RUNX1: variants seen among roughly 807,000 people sequenced by gnomAD.
RUNX1 encodes RUNX family transcription factor 1.
RUNX1 carries 19 observed loss-of-function variants against 42.8 expected under a neutral mutation model. The ratio of observed to expected loss-of-function variants is 0.44; its 90% CI spans 0.31 to 0.65. RUNX1 has a LOEUF of 0.65. RUNX1 is among the 30% of genes least tolerant of loss of function. The pLI is 0.07. For missense variants in RUNX1, 528 were observed against 672.0 expected (o/e 0.79, Z 2.37); for synonymous variants, 271 against 289.4 (o/e 0.94, Z 0.64).
intron 2 of RUNX1, among the ~76,000 whole-genome samples, chr21:34,921,176 T>TA (rs1448140451): frequency 3.9e-5 from 6 of 152,168 alleles, no homozygotes; most frequent in Non-Finnish European, 7.4e-5. Context: ...AGTGCATAGT[T>TA]ATGTGGCACT....
At chr21:34,875,077 C>T (rs746090561) in intron 5 of RUNX1, among the ~76,000 whole-genome samples, 3 of 152,186 alleles carry the variant, frequency 2.0e-5, no homozygotes, top group Non-Finnish European at 4.4e-5. Flanking sequence ...AGCTGTGTGA[C>T]GCCATCAGCA....
intron 2 of RUNX1, among the ~76,000 whole-genome samples, chr21:35,034,764 A>T (rs2059295702): frequency 6.6e-6 from 1 of 152,240 alleles, no homozygotes; most frequent in Non-Finnish European, 1.5e-5. Context: ...TGGTGTGAGC[A>T]GAGGGCAGAT....
chr21:34,883,249 T>C (rs1277517586), intron 4 of RUNX1, among the ~76,000 whole-genome samples: 1 of 152,220 alleles, frequency 6.6e-6, no homozygotes, highest in Admixed American at 6.5e-5. Flanking sequence ...ACTCCTCTTT[T>C]TTTTTAAATG....
intron 7 of RUNX1, 96 bp downstream of exon 7, chr21:34,834,314 C>T: frequency 7.9e-7 from 1 of 1,263,740 alleles, no homozygotes. Context: ...AGGGGAAACC[C>T]CAGTTGGTCT....
At chr21:34,798,510 C>T (rs1569008060) in intron 8 of RUNX1, among the ~76,000 whole-genome samples, 1 of 152,140 alleles carries the variant, frequency 6.6e-6, no homozygotes, top group Non-Finnish European at 1.5e-5. Flanking sequence ...TCTGTATGAA[C>T]AGCGCTTAGT....
chr21:34,870,961 A>G (rs2268294), intron 5 of RUNX1, among the ~76,000 whole-genome samples: 41,535 of 152,046 alleles, frequency 0.27, 5,837 homozygotes, highest in Middle Eastern at 0.38. Context: ...CATCTCAAAA[A>G]AAAACAAAAA....
chr21:34,964,611 G>A (rs2058705563), intron 2 of RUNX1, among the ~76,000 whole-genome samples: 1 of 152,142 alleles, frequency 6.6e-6, no homozygotes, highest in African/African-American at 2.4e-5. Flanking sequence ...CCTTCATGTT[G>A]AAGAAGTACA....
chr21:34,939,854 T>G (rs541697643), intron 2 of RUNX1, among the ~76,000 whole-genome samples: 4 of 152,094 alleles, frequency 2.6e-5, no homozygotes, highest in Admixed American at 6.5e-5. Context: ...GTTTTTTTAT[T>G]TTTATTTTTT....
chr21:35,034,525 G>A (rs2059293574), intron 2 of RUNX1, among the ~76,000 whole-genome samples: 1 of 152,218 alleles, frequency 6.6e-6, no homozygotes, highest in Admixed American at 6.5e-5. Context: ...TTCTGGAGCT[G>A]TGGTTCTCCA....
intron 2 of RUNX1, among the ~76,000 whole-genome samples, chr21:34,956,591 T>A (rs143103494): frequency 1.2e-3 from 177 of 152,310 alleles, no homozygotes; most frequent in Non-Finnish European, 1.9e-3. Context: ...TGTCACCAAA[T>A]GGCCTGATGA....
intron 2 of RUNX1, among the ~76,000 whole-genome samples, chr21:34,995,203 C>T (rs1207231677): frequency 6.6e-6 from 1 of 152,150 alleles, no homozygotes; most frequent in Admixed American, 6.5e-5. Context: ...CCCCTTTGGC[C>T]CTACACATCA....
intron 2 of RUNX1, among the ~76,000 whole-genome samples, chr21:34,973,562 C>T (rs977902756): frequency 1.3e-5 from 2 of 152,222 alleles, no homozygotes; most frequent in Non-Finnish European, 2.9e-5. Flanking sequence ...TGTTTTATCA[C>T]TGATCCAATC....
At chr21:34,802,756 G>A (rs763122202) in intron 7 of RUNX1, among the ~76,000 whole-genome samples, 41 of 152,182 alleles carry the variant, frequency 2.7e-4, no homozygotes, top group Non-Finnish European at 2.6e-4. Context: ...GAGAGGAGGA[G>A]ACTAGGGAAA....
intron 7 of RUNX1, chr21:34,821,187 G>T: frequency 9.9e-7 from 1 of 1,015,032 alleles, no homozygotes; most frequent in Non-Finnish European, 1.2e-6. Flanking sequence ...GGGAATTATC[G>T]CAGAGTAGCT....
intron 2 of RUNX1, among the ~76,000 whole-genome samples, chr21:35,017,119 A>G (rs576272841): frequency 3.9e-5 from 6 of 152,172 alleles, no homozygotes; most frequent in Non-Finnish European, 8.8e-5. Context: ...GAAGTGGGGA[A>G]TCAGTCTTTG....
intron 2 of RUNX1, among the ~76,000 whole-genome samples, chr21:34,982,407 T>TGTG (rs1375500030): frequency 2.0e-5 from 3 of 151,338 alleles, no homozygotes; most frequent in Non-Finnish European, 1.5e-5. Context: ...GGTGTGTGTG[T>TGTG]GTGTGTGTGT....
chr21:34,930,936 C>T (rs1342339415), intron 2 of RUNX1, among the ~76,000 whole-genome samples: 1 of 152,118 alleles, frequency 6.6e-6, no homozygotes, highest in African/African-American at 2.4e-5. Context: ...TGCCAGGCAA[C>T]TCACATCCAA....
At chr21:35,014,391 T>C (rs1259672694) in intron 2 of RUNX1, among the ~76,000 whole-genome samples, 1 of 152,212 alleles carries the variant, frequency 6.6e-6, no homozygotes, top group Non-Finnish European at 1.5e-5. Context: ...ATAGACACAC[T>C]TGATTAGGAA....
At chr21:34,841,227 T>C (rs1211333521) in intron 6 of RUNX1, among the ~76,000 whole-genome samples, 1 of 152,140 alleles carries the variant, frequency 6.6e-6, no homozygotes, top group African/African-American at 2.4e-5. Flanking sequence ...CTCTAGCTCA[T>C]GCCCCTAAGC....
Sources: gnomAD v4.1 joint callset for allele counts (sites outside exome capture counted in the v4.1 genomes callset) on GRCh38, gnomAD v4.1.1 for gene constraint, MANE v1.5 for transcripts, NCBI Gene and HGNC (gene_info 2026-07-23, HGNC 2026-07-21) for gene names.